LOC400499: variants seen among roughly 807,000 people sequenced by gnomAD.
chr16:11,523,318 T>C, the LOC400499 span: 9 of 398,260 alleles, frequency 2.3e-5, no homozygotes, highest in Non-Finnish European at 3.1e-5. Context: ...TCTGGGGCTG[T>C]CTCTAATCCC....
chr16:11,518,294 G>C, the LOC400499 span, among the ~76,000 whole-genome samples: 1 of 152,162 alleles, frequency 6.6e-6, no homozygotes, highest in Non-Finnish European at 1.5e-5. Context: ...AATCTGCAGA[G>C]AAGGAGTTGT....
chr16:11,425,771 C>T, the LOC400499 span, among the ~76,000 whole-genome samples: 21 of 152,248 alleles, frequency 1.4e-4, no homozygotes, highest in African/African-American at 3.9e-4. Context: ...ATCGATCAGA[C>T]GTTTAGAGAA....
the LOC400499 span, among the ~76,000 whole-genome samples, chr16:11,474,846 G>C: frequency 6.5e-3 from 992 of 152,252 alleles, 14 homozygotes; most frequent in African/African-American, 0.023. Flanking sequence ...CTCCGGTCTG[G>C]ACGACAGAGA....
At chr16:11,469,358 T>C in the LOC400499 span, 1 of 399,068 alleles carries the variant, frequency 2.5e-6, no homozygotes, top group Non-Finnish European at 4.4e-6. Flanking sequence ...TCTCTGAGCC[T>C]AAGATGTAGC....
chr16:11,377,166 T>C, the LOC400499 span, among the ~76,000 whole-genome samples: 1 of 152,208 alleles, frequency 6.6e-6, no homozygotes, highest in Non-Finnish European at 1.5e-5. Context: ...TGTTAGCATG[T>C]AGAAATGCAA....
At chr16:11,402,627 G>C in the LOC400499 span, among the ~76,000 whole-genome samples, 1 of 152,152 alleles carries the variant, frequency 6.6e-6, no homozygotes, top group African/African-American at 2.4e-5. Context: ...TTCAGCTCAG[G>C]ATGTCCTAGC....
At chr16:11,413,213 C>T in the LOC400499 span, among the ~76,000 whole-genome samples, 8 of 152,104 alleles carry the variant, frequency 5.3e-5, no homozygotes, top group South Asian at 2.1e-4. Flanking sequence ...AATGTGCTCC[C>T]GGGAGGGCTC....
the LOC400499 span, among the ~76,000 whole-genome samples, chr16:11,490,077 G>A: frequency 7.9e-5 from 12 of 152,232 alleles, no homozygotes; most frequent in South Asian, 1.2e-3. Flanking sequence ...TGAGAGACAA[G>A]CTCCTAGACA....
At chr16:11,452,119 T>C in the LOC400499 span, among the ~76,000 whole-genome samples, 2 of 151,994 alleles carry the variant, frequency 1.3e-5, no homozygotes, top group Non-Finnish European at 2.9e-5. Flanking sequence ...GTGATAAAGA[T>C]CTTATTTCAC....
At chr16:11,522,120 GCA>G in the LOC400499 span, 1 of 351,472 alleles carries the variant, frequency 2.8e-6, no homozygotes, top group Non-Finnish European at 4.7e-6. Context: ...ACCCTGAAGG[GCA>G]GAGAGAGAGA....
chr16:11,376,030 C>T, the LOC400499 span, among the ~76,000 whole-genome samples: 2 of 152,156 alleles, frequency 1.3e-5, no homozygotes, highest in Non-Finnish European at 2.9e-5. Context: ...TGAGCCACCG[C>T]GCCGGGCCCT....
chr16:11,433,894 T>A, the LOC400499 span, among the ~76,000 whole-genome samples: 1 of 152,200 alleles, frequency 6.6e-6, no homozygotes, highest in Non-Finnish European at 1.5e-5. Context: ...TGTTCTCAAA[T>A]CATATCCTCT....
At chr16:11,387,774 C>T in the LOC400499 span, among the ~76,000 whole-genome samples, 1 of 152,302 alleles carries the variant, frequency 6.6e-6, no homozygotes, top group South Asian at 2.1e-4. Flanking sequence ...CCAGCGCCCA[C>T]CGCAACACCC....
the LOC400499 span, among the ~76,000 whole-genome samples, chr16:11,428,039 G>C: frequency 3.3e-5 from 5 of 152,282 alleles, no homozygotes; most frequent in Admixed American, 1.3e-4. Flanking sequence ...GCAAAAGCAA[G>C]TTTATTAAGA....
At chr16:11,446,743 C>G in the LOC400499 span, 1 of 1,535,542 alleles carries the variant, frequency 6.5e-7, no homozygotes. Flanking sequence ...CCCAGACACA[C>G]TCACGTAGGG....
the LOC400499 span, among the ~76,000 whole-genome samples, chr16:11,463,563 C>T: frequency 2.6e-5 from 4 of 151,584 alleles, no homozygotes; most frequent in South Asian, 2.1e-4. Flanking sequence ...TGTGTGTGAA[C>T]GTATGTATAC....
chr16:11,515,727 A>AAAGGGAGGAGGAGGAGGAC, the LOC400499 span, among the ~76,000 whole-genome samples: 1 of 146,188 alleles, frequency 6.8e-6, no homozygotes, highest in Non-Finnish European at 1.5e-5. Context: ...AGGAGGAGGA[A>AAAGGGAGGAGGAGGAGGAC]AAGGGAGGAG....
chr16:11,475,704 T>C, the LOC400499 span: 5 of 398,910 alleles, frequency 1.3e-5, no homozygotes, highest in Non-Finnish European at 2.2e-5. Context: ...GGTGATGAGG[T>C]ACAGCTGAGA....
the LOC400499 span, among the ~76,000 whole-genome samples, chr16:11,379,255 T>TAAAAA: frequency 7.2e-5 from 11 of 152,130 alleles, no homozygotes; most frequent in East Asian, 2.1e-3. Flanking sequence ...CTCAAAAAAA[T>TAAAAA]AAAAAAAGTG....
Sources: allele counts gnomAD v4.1 joint callset (sites outside exome capture counted in the v4.1 genomes callset), GRCh38; gene constraint gnomAD v4.1.1; transcripts MANE v1.5.